SHISA9: variants seen among roughly 807,000 people sequenced by gnomAD.
SHISA9 encodes protein shisa-9.
In SHISA9, 13 loss-of-function variants were observed where a neutral mutation model predicts 38.0. The ratio of observed to expected loss-of-function variants is 0.34; its 90% CI spans 0.22 to 0.54. SHISA9 has a LOEUF of 0.54. Among genes scored for constraint, SHISA9 ranks in the 20% least tolerant of loss-of-function variants. The pLI is 0.91. For missense variants in SHISA9, 538 were observed against 575.8 expected (o/e 0.93, Z 0.67); for synonymous variants, 275 against 242.0 (o/e 1.14, Z -1.27).
intron 2 of SHISA9, among the ~76,000 whole-genome samples, chr16:13,052,058 C>T (rs192629802): frequency 1.6e-4 from 25 of 152,268 alleles, no homozygotes; most frequent in African/African-American, 4.8e-4. Context: ...CCACTGCGCC[C>T]GGCCTAGCAT....
chr16:13,025,673 G>A (rs1046884353), intron 2 of SHISA9, among the ~76,000 whole-genome samples: 2 of 152,256 alleles, frequency 1.3e-5, no homozygotes, highest in Admixed American at 6.5e-5. Context: ...GTGCCTCCTT[G>A]GCAATCTCAT....
intron 2 of SHISA9, among the ~76,000 whole-genome samples, chr16:13,203,037 T>C (rs561099069): frequency 6.6e-6 from 1 of 152,346 alleles, no homozygotes; most frequent in South Asian, 2.1e-4. Flanking sequence ...GGCTTCTCAT[T>C]GTTCTTCTGA....
intron 2 of SHISA9, among the ~76,000 whole-genome samples, chr16:13,011,442 T>C (rs2072673459): frequency 6.6e-6 from 1 of 151,206 alleles, no homozygotes; most frequent in African/African-American, 2.4e-5. Flanking sequence ...TCATCCTACA[T>C]ATCTGCTATT....
At chr16:13,561,225 C>T in the SHISA9 span, among the ~76,000 whole-genome samples, 3 of 152,048 alleles carry the variant, frequency 2.0e-5, no homozygotes, top group Non-Finnish European at 4.4e-5. Context: ...CTCAATGAAC[C>T]CTTTGGCAGT....
chr16:13,095,390 A>G (rs567661785), intron 2 of SHISA9, among the ~76,000 whole-genome samples: 1 of 152,346 alleles, frequency 6.6e-6, no homozygotes, highest in South Asian at 2.1e-4. Context: ...CATCTTAACA[A>G]AATGGGGAAG....
At chr16:13,027,100 C>G (rs1299800770) in intron 2 of SHISA9, among the ~76,000 whole-genome samples, 1 of 152,206 alleles carries the variant, frequency 6.6e-6, no homozygotes, top group African/African-American at 2.4e-5. Context: ...ACAACGAAAA[C>G]TTTGGGGATC....
intron 2 of SHISA9, among the ~76,000 whole-genome samples, chr16:13,097,700 G>A (rs897668563): frequency 3.9e-5 from 6 of 152,246 alleles, no homozygotes; most frequent in African/African-American, 1.2e-4. Flanking sequence ...CACCATGCCT[G>A]GCCTGATCAT....
At chr16:13,345,633 G>T in the SHISA9 span, among the ~76,000 whole-genome samples, 10 of 152,084 alleles carry the variant, frequency 6.6e-5, no homozygotes, top group South Asian at 2.1e-3. Context: ...GGTCTTGCTG[G>T]GTCGAATAGT....
chr16:13,348,639 C>G, the SHISA9 span, among the ~76,000 whole-genome samples: 1 of 151,620 alleles, frequency 6.6e-6, no homozygotes, highest in Non-Finnish European at 1.5e-5. Context: ...ATGGCTGCTG[C>G]TTGATGGGAT....
the SHISA9 span, among the ~76,000 whole-genome samples, chr16:13,556,769 A>G: frequency 2.0e-5 from 3 of 152,222 alleles, no homozygotes; most frequent in Non-Finnish European, 4.4e-5. Context: ...ATATTCTGAA[A>G]AATAAAAAAT....
chr16:13,518,046 C>T, the SHISA9 span, among the ~76,000 whole-genome samples: 15 of 152,282 alleles, frequency 9.9e-5, 1 homozygote, highest in Admixed American at 5.2e-4. Flanking sequence ...TGGTGAATTG[C>T]GCTCTGTGCT....
intron 2 of SHISA9, among the ~76,000 whole-genome samples, chr16:13,157,692 C>G (rs1343744846): frequency 1.3e-5 from 2 of 152,072 alleles, no homozygotes; most frequent in African/African-American, 4.8e-5. Context: ...CAGGGCAGTT[C>G]AGCATTACCC....
At chr16:13,541,848 G>C in the SHISA9 span, among the ~76,000 whole-genome samples, 1 of 152,172 alleles carries the variant, frequency 6.6e-6, no homozygotes, top group Non-Finnish European at 1.5e-5. Flanking sequence ...AAGGACAAGA[G>C]GATATTCGAC....
chr16:13,127,839 G>A (rs1207445918), intron 2 of SHISA9, among the ~76,000 whole-genome samples: 2 of 152,182 alleles, frequency 1.3e-5, no homozygotes, highest in African/African-American at 4.8e-5. Context: ...ACAGGAGGCT[G>A]AAGTCCAGAT....
At chr16:13,413,571 T>A in the SHISA9 span, among the ~76,000 whole-genome samples, 1 of 151,740 alleles carries the variant, frequency 6.6e-6, no homozygotes, top group Non-Finnish European at 1.5e-5. Context: ...GCGTGGCCGA[T>A]ATGGTGAAAC....
chr16:13,400,134 A>C, the SHISA9 span, among the ~76,000 whole-genome samples: 1 of 152,166 alleles, frequency 6.6e-6, no homozygotes, highest in African/African-American at 2.4e-5. Context: ...GAAATACTGG[A>C]GATTAAATGC....
At chr16:13,221,277 T>C (rs913831110) in intron 4 of SHISA9, among the ~76,000 whole-genome samples, 1 of 152,136 alleles carries the variant, frequency 6.6e-6, no homozygotes, top group Non-Finnish European at 1.5e-5. Flanking sequence ...TGCAACTAAT[T>C]CACCATAAAG....
chr16:12,974,144 GA>G (rs930964148), intron 2 of SHISA9, among the ~76,000 whole-genome samples: 11 of 152,134 alleles, frequency 7.2e-5, no homozygotes, highest in African/African-American at 2.4e-4. Context: ...GGTCCCTAGA[GA>G]ACGGCAATGA....
intron 2 of SHISA9, among the ~76,000 whole-genome samples, chr16:13,108,522 C>T (rs981150568): frequency 1.3e-5 from 2 of 152,034 alleles, no homozygotes; most frequent in African/African-American, 4.8e-5. Context: ...ACTTTGGACT[C>T]CCAAAGCACT....
Sources: gnomAD v4.1 joint callset for allele counts (sites outside exome capture counted in the v4.1 genomes callset) on GRCh38, gnomAD v4.1.1 for gene constraint, MANE v1.5 for transcripts, NCBI Gene and HGNC (gene_info 2026-07-23, HGNC 2026-07-21) for gene names.